Variants in LUZP2 observed in about 807,000 individuals in gnomAD.
LUZP2 encodes leucine zipper protein 2.
LUZP2 carries 52 observed loss-of-function variants against 51.6 expected under a neutral mutation model. The ratio of observed to expected loss-of-function variants is 1.01; its 90% CI spans 0.81 to 1.27. The LOEUF is 1.27. Among genes scored for constraint, LUZP2 ranks in the 50% most tolerant of loss-of-function variants. The pLI, the probability that LUZP2 is intolerant of heterozygous loss-of-function variation, is 0.00. For missense variants in LUZP2, 436 were observed against 395.4 expected, an observed-to-expected ratio of 1.10 and a Z score of -0.87; for synonymous variants, 154 against 137.3, an observed-to-expected ratio of 1.12 and a Z score of -0.85.
At chr11:24,905,682 C>T (rs187010595) in intron 5 of LUZP2, among the ~76,000 whole-genome samples, 3 of 152,210 alleles carry the variant, frequency 2.0e-5, no homozygotes, top group Admixed American at 1.3e-4. Flanking sequence ...CAAACACCCA[C>T]GCACAAAATT....
At chr11:24,626,780 G>T (rs1180689917) in intron 1 of LUZP2, among the ~76,000 whole-genome samples, 1 of 151,978 alleles carries the variant, frequency 6.6e-6, no homozygotes, top group African/African-American at 2.4e-5. Context: ...TTCTGAACCT[G>T]ATCAACATTA....
intron 1 of LUZP2, among the ~76,000 whole-genome samples, chr11:24,547,787 A>T (rs1234322962): frequency 1.3e-5 from 2 of 152,192 alleles, no homozygotes; most frequent in Admixed American, 1.3e-4. Flanking sequence ...CATCCTACAA[A>T]GTGGGAGTAA....
chr11:24,942,269 T>G (rs1250297455), intron 7 of LUZP2, among the ~76,000 whole-genome samples: 1 of 152,146 alleles, frequency 6.6e-6, no homozygotes, highest in Non-Finnish European at 1.5e-5. Flanking sequence ...TTTTTTAAAT[T>G]GTATAAAAAA....
At chr11:24,923,916 T>C (rs1166904388) in intron 7 of LUZP2, among the ~76,000 whole-genome samples, 1 of 152,126 alleles carries the variant, frequency 6.6e-6, no homozygotes. Flanking sequence ...GTTTACTTTA[T>C]CTTAAGTAAA....
intron 10 of LUZP2, among the ~76,000 whole-genome samples, chr11:25,060,328 A>C (rs1858800276): frequency 6.6e-6 from 1 of 152,178 alleles, no homozygotes; most frequent in African/African-American, 2.4e-5. Flanking sequence ...CTGTAATTTC[A>C]CATGGCAGAA....
intron 5 of LUZP2, among the ~76,000 whole-genome samples, chr11:24,885,190 C>G (rs1019416697): frequency 6.6e-6 from 1 of 151,960 alleles, no homozygotes; most frequent in African/African-American, 2.4e-5. Context: ...ATAATAATGC[C>G]TTATAAATTG....
intron 1 of LUZP2, among the ~76,000 whole-genome samples, chr11:24,678,611 C>T (rs2133864607): frequency 6.6e-6 from 1 of 152,276 alleles, no homozygotes; most frequent in Non-Finnish European, 1.5e-5. Flanking sequence ...TAGCAGCCTT[C>T]AATTTTAGAC....
chr11:24,906,160 A>G (rs1853446493), intron 6 of LUZP2, 107 bp downstream of exon 6: 2 of 589,270 alleles, frequency 3.4e-6, no homozygotes, highest in East Asian at 6.0e-5. Flanking sequence ...CCTAATACAA[A>G]TGCCAATTTT....
At chr11:25,044,823 G>T (rs1020936650) in intron 9 of LUZP2, among the ~76,000 whole-genome samples, 56 of 151,978 alleles carry the variant, frequency 3.7e-4, no homozygotes, top group African/African-American at 1.2e-3. Context: ...TGTCCAACAA[G>T]GATAGACTGG....
intron 5 of LUZP2, among the ~76,000 whole-genome samples, chr11:24,809,410 C>T (rs776458191): frequency 6.6e-6 from 1 of 152,076 alleles, no homozygotes; most frequent in Admixed American, 6.6e-5. Flanking sequence ...TTCAGCATGC[C>T]ATTCTATTCC....
At chr11:24,760,466 C>T (rs945743198) in intron 4 of LUZP2, among the ~76,000 whole-genome samples, 3 of 152,066 alleles carry the variant, frequency 2.0e-5, no homozygotes, top group Admixed American at 1.3e-4. Flanking sequence ...ACAATGAGGA[C>T]TAGTGTTTTG....
Position 24,953,055 on chromosome 11 carries a change from A to T in LUZP2, c.523-23536A>T, listed in dbSNP as rs149163460. On this transcript the variant is annotated intron_variant, in intron 7 of 11. Coordinates refer to ENST00000336930, the MANE Select transcript of LUZP2 (RefSeq NM_001009909.4). The stretch of plus-strand genomic sequence containing the variant: ...AGTCTGTCGAGAAATAGACTACAGA[A>T]ATGCATTAAAAATCTCTACTAAAAT... 1.1e-3 allele frequency among the ~76,000 whole-genome samples: 162 copies of T among 152,104 alleles called. 2 individuals carry two copies. Among genetic ancestry groups the T allele is most frequent in the African/African-American group, 3.8e-3 (158 of 41,542 alleles).
intron 1 of LUZP2, among the ~76,000 whole-genome samples, chr11:24,634,697 T>C (rs1855017124): frequency 6.6e-6 from 1 of 152,098 alleles, no homozygotes; most frequent in South Asian, 2.1e-4. Flanking sequence ...CAGCTGATTC[T>C]GTTTACTCGT....
At chr11:24,787,273 G>A (rs1214234403) in intron 5 of LUZP2, among the ~76,000 whole-genome samples, 1 of 152,110 alleles carries the variant, frequency 6.6e-6, no homozygotes, top group African/African-American at 2.4e-5. Flanking sequence ...TGTTAAAAAA[G>A]ATTGAGCTGA....
intron 1 of LUZP2, among the ~76,000 whole-genome samples, chr11:24,521,075 G>A (rs1404136628): frequency 5.9e-5 from 9 of 152,192 alleles, no homozygotes; most frequent in Non-Finnish European, 1.3e-4. Context: ...GTGTGGCTGG[G>A]CGTGGTGGCT....
intron 5 of LUZP2, among the ~76,000 whole-genome samples, chr11:24,800,976 G>A (rs897688229): frequency 1.3e-5 from 2 of 152,124 alleles, no homozygotes; most frequent in East Asian, 1.9e-4. Flanking sequence ...CAAAAATTCC[G>A]AGTAGATTAA....
intron 5 of LUZP2, among the ~76,000 whole-genome samples, chr11:24,803,049 C>G (rs1054120857): frequency 6.6e-6 from 1 of 151,964 alleles, no homozygotes; most frequent in African/African-American, 2.4e-5. Context: ...GACTAAGACA[C>G]ATCTCATATA....
chr11:25,003,985 C>G (rs527252998), intron 9 of LUZP2, among the ~76,000 whole-genome samples: 1 of 152,108 alleles, frequency 6.6e-6, no homozygotes, highest in African/African-American at 2.4e-5. Context: ...CGGATGGTAA[C>G]GGACCTTGAA....
intron 1 of LUZP2, among the ~76,000 whole-genome samples, chr11:24,676,498 A>C (rs907208668): frequency 1.3e-5 from 2 of 152,352 alleles, no homozygotes; most frequent in Non-Finnish European, 2.9e-5. Context: ...TGTAACATAA[A>C]TTAAAATGAG....
Sources: allele counts gnomAD v4.1 joint callset (sites outside exome capture counted in the v4.1 genomes callset), GRCh38; gene constraint gnomAD v4.1.1; transcripts MANE v1.5; gene names NCBI Gene and HGNC (gene_info 2026-07-23, HGNC 2026-07-21).